MEI4: variants seen among roughly 807,000 people sequenced by gnomAD.
MEI4 encodes meiosis-specific protein MEI4.
A neutral mutation model predicts 31.4 loss-of-function variants in MEI4; 27 were observed. That is an observed-to-expected ratio of 0.86 (90% CI 0.63 to 1.19). MEI4 has a LOEUF of 1.19. Ranked by LOEUF, MEI4 falls within the 50% of genes most tolerant of loss-of-function variation. The pLI is 0.00. For synonymous variants in MEI4, 122 were observed against 145.4 expected (o/e 0.84, Z 1.16); for missense variants, 329 against 398.9 (o/e 0.82, Z 1.49).
At chr6:77,903,085 C>G (rs1766219368) in intron 4 of MEI4, among the ~76,000 whole-genome samples, 1 of 152,098 alleles carries the variant, frequency 6.6e-6, no homozygotes, top group African/African-American at 2.4e-5. Context: ...ATTATATTGT[C>G]TACAAACAGA....
intron 4 of MEI4, among the ~76,000 whole-genome samples, chr6:77,894,760 C>A (rs542409727): frequency 6.6e-6 from 1 of 152,276 alleles, no homozygotes; most frequent in South Asian, 2.1e-4. Context: ...TATACCTGCT[C>A]ACTTTGGTAA....
At chr6:77,790,897 A>G (rs1051714204) in intron 3 of MEI4, among the ~76,000 whole-genome samples, 1 of 152,224 alleles carries the variant, frequency 6.6e-6, no homozygotes, top group Non-Finnish European at 1.5e-5. Context: ...TTCTCAAAAG[A>G]AGACATTTAT....
intron 2 of MEI4, among the ~76,000 whole-genome samples, chr6:77,744,974 A>C (rs1433974268): frequency 1.3e-5 from 2 of 152,246 alleles, no homozygotes; most frequent in African/African-American, 4.8e-5. Context: ...AGGAAGCACT[A>C]AACATGGAAA....
chr6:77,676,805 C>T (rs546526180), intron 1 of MEI4, among the ~76,000 whole-genome samples: 5 of 152,210 alleles, frequency 3.3e-5, no homozygotes, highest in Non-Finnish European at 7.4e-5. Context: ...TTTTCTCTTT[C>T]CACCATTTCC....
intron 4 of MEI4, among the ~76,000 whole-genome samples, chr6:77,862,882 A>G (rs1770903024): frequency 6.6e-6 from 1 of 152,172 alleles, no homozygotes; most frequent in Non-Finnish European, 1.5e-5. Context: ...CAAAACTTCC[A>G]GAGGAACAAA....
intron 3 of MEI4, among the ~76,000 whole-genome samples, chr6:77,776,457 C>T (rs551009541): frequency 3.4e-4 from 51 of 152,144 alleles, no homozygotes; most frequent in Non-Finnish European, 6.5e-4. Context: ...CATTTCAGTC[C>T]GGTGAGGCCC....
chr6:77,775,984 T>A (rs1768428771), intron 3 of MEI4, among the ~76,000 whole-genome samples: 1 of 152,174 alleles, frequency 6.6e-6, no homozygotes, highest in Admixed American at 6.6e-5. Flanking sequence ...CATTTGTTTA[T>A]CTTCTTTTGA....
chr6:77,873,031 C>T (rs1035701158), intron 4 of MEI4, among the ~76,000 whole-genome samples: 1 of 151,710 alleles, frequency 6.6e-6, no homozygotes, highest in African/African-American at 2.4e-5. Context: ...AATAGTGCTG[C>T]AATAAACATA....
At chr6:77,702,200 C>G (rs537158116) in intron 2 of MEI4, among the ~76,000 whole-genome samples, 4 of 152,270 alleles carry the variant, frequency 2.6e-5, no homozygotes, top group Non-Finnish European at 5.9e-5. Context: ...TCTGTTTCAC[C>G]TCTTTGTCCT....
chr6:77,850,624 C>G (rs945990473), intron 4 of MEI4, among the ~76,000 whole-genome samples: 1 of 152,122 alleles, frequency 6.6e-6, no homozygotes, highest in African/African-American at 2.4e-5. Context: ...ACACCTTATA[C>G]AAAAATTAAT....
intron 1 of MEI4, among the ~76,000 whole-genome samples, chr6:77,686,292 A>G (rs1310838354): frequency 1.3e-5 from 2 of 152,172 alleles, no homozygotes. Flanking sequence ...TATAAGTAAG[A>G]AAATAATATC....
Position 77,690,658 on chromosome 6 carries a change from G to A in MEI4, c.-14G>A. On this transcript the variant is annotated splice_region_variant and 5_prime_UTR_variant, in exon 2 of 5. The change creates a premature stop within an existing upstream ORF in the 5' untranslated region. Transcript: ENST00000684080. ...TAACTTTTTTCTTATTAAATGATAG[G>A]GACAAAAGCCAGGATGGATGTTCAA... 4.1e-6 allele frequency: 5 copies of A among 1,215,806 alleles called. No homozygotes were observed. Among genetic ancestry groups the A allele is most frequent in the Non-Finnish European group, 5.1e-6 (5 of 973,314 alleles). The allele number at this position is 1,215,806 out of a possible 1,614,324, so 75.3% of individuals were successfully genotyped here.
chr6:77,687,346 G>C (rs1307887095), intron 1 of MEI4, among the ~76,000 whole-genome samples: 2 of 152,030 alleles, frequency 1.3e-5, no homozygotes, highest in East Asian at 3.9e-4. Context: ...ATTTAAAAAG[G>C]CTTTCTGAAA....
intron 1 of MEI4, among the ~76,000 whole-genome samples, chr6:77,666,834 G>A (rs1768643902): frequency 6.6e-6 from 1 of 151,238 alleles, no homozygotes; most frequent in East Asian, 2.0e-4. Context: ...AAGTGCTTTT[G>A]GAGTTAATGT....
At chr6:77,736,173 T>C (rs1353081192) in intron 2 of MEI4, among the ~76,000 whole-genome samples, 1 of 152,084 alleles carries the variant, frequency 6.6e-6, no homozygotes, top group Non-Finnish European at 1.5e-5. Context: ...GGGTTCGAGC[T>C]TCCAGGCTGC....
rs1181459470 is a variant in MEI4, at chr6:77,924,027, G to C, written c.*681G>C. 6.6e-6 allele frequency: 1 copy of C among 151,428 alleles called. No individual in the cohort carries two copies. Among genetic ancestry groups the C allele is most frequent in the East Asian group, 1.9e-4 (1 of 5,150 alleles). 9.4% of individuals were successfully genotyped at this position (151,428 alleles called of 1,614,324 possible). A position where few individuals can be genotyped will look rare whatever the true frequency, so the allele number is the denominator to read the frequency against. On this transcript the variant is annotated 3_prime_UTR_variant, in exon 5 of 5. Coordinates refer to ENST00000684080, the MANE Select transcript of MEI4 (RefSeq NM_001322247.2). ...TCTGTTAATTAAATATGTTATAATA[G>C]TCTTGTAATTGTTAAATAGTATACA...
chr6:77,830,517 G>C (rs1770053004), intron 4 of MEI4, among the ~76,000 whole-genome samples: 1 of 151,964 alleles, frequency 6.6e-6, no homozygotes, highest in Admixed American at 6.6e-5. Flanking sequence ...TTCAAACCCA[G>C]ATGTTCTGAC....
chr6:77,863,065 C>T (rs898496307), intron 4 of MEI4, among the ~76,000 whole-genome samples: 6 of 149,746 alleles, frequency 4.0e-5, no homozygotes, highest in African/African-American at 1.3e-4. Context: ...CACACCAAAA[C>T]CCCATCTGTA....
chr6:77,813,310 A>G (rs930934292), intron 3 of MEI4, among the ~76,000 whole-genome samples: 3 of 152,130 alleles, frequency 2.0e-5, no homozygotes, highest in African/African-American at 7.2e-5. Context: ...CCTGAACAGT[A>G]TCTGTGAGAG....
Sources: allele counts gnomAD v4.1 joint callset (sites outside exome capture counted in the v4.1 genomes callset), GRCh38; gene constraint gnomAD v4.1.1; transcripts MANE v1.5; gene names NCBI Gene and HGNC (gene_info 2026-07-23, HGNC 2026-07-21).